The following NKTR variants were observed in gnomAD, a reference collection of about 807,000 sequenced individuals.
The protein encoded by NKTR is NK-tumor recognition protein.
NKTR carries 67 observed loss-of-function variants against 156.3 expected under a neutral mutation model. That is an observed-to-expected ratio of 0.43 (90% CI 0.35 to 0.53). The LOEUF (loss-of-function observed/expected upper bound fraction) is 0.53, where lower values mean the gene tolerates loss of function less well. Ranked by LOEUF, NKTR falls within the 20% of genes least tolerant of loss-of-function variation. NKTR has a pLI of 0.01. For synonymous variants in NKTR, 640 were observed against 596.6 expected, an observed-to-expected ratio of 1.07 and a Z score of -1.06; for missense variants, 1,604 against 1,730.9, an observed-to-expected ratio of 0.93 and a Z score of 1.30.
chr3:42,609,080 A>G (rs1328502722), intron 2 of NKTR, among the ~76,000 whole-genome samples: 1 of 152,096 alleles, frequency 6.6e-6, no homozygotes, highest in East Asian at 1.9e-4. Context: ...GTGAGCAGAG[A>G]TCATACCACT....
chr3:42,641,627 C>A (rs61149998), intron 13 of NKTR, among the ~76,000 whole-genome samples: 25,746 of 152,162 alleles, frequency 0.17, 2,606 homozygotes, highest in African/African-American at 0.28. Context: ...CACCTGTAAT[C>A]CCAGTACTTT....
Position 42,639,268 on chromosome 3 carries a change from G to A in NKTR, c.3564G>A (p.Leu1188=). The part of the protein sequence containing the change: ...QESSMSESKV[L]GEVGKQDSSS... ...GCAGCATGTCCGAAAGTAAAGTGTT[G>A]GGTGAAGTGGGGAAACAGGACAGCA... Residue 1188 remains leucine, a synonymous_variant, in exon 13 of 17, where the codon TTG becomes TTA. Coordinates refer to ENST00000232978, the MANE Select transcript of NKTR (RefSeq NM_005385.4). 6.2e-7 allele frequency: 1 copy of A among 1,614,180 alleles called. No homozygotes were observed. Among genetic ancestry groups the A allele is most frequent in the Non-Finnish European group, 8.5e-7 (1 of 1,180,028 alleles).
intron 6 of NKTR, chr3:42,629,812 A>G: frequency 2.0e-6 from 2 of 985,484 alleles, no homozygotes; most frequent in Non-Finnish European, 2.4e-6. Context: ...AGGCTTCCCA[A>G]GAGTGACTGT....
intron 2 of NKTR, 27 bp downstream of exon 2, chr3:42,601,091 TG>T: frequency 6.5e-7 from 1 of 1,538,820 alleles, no homozygotes; most frequent in Non-Finnish European, 8.7e-7. Flanking sequence ...GGAGCGCTGC[TG>T]GGGCCGAGGC....
Position 42,631,175 on chromosome 3 carries a change from C to T in NKTR, c.409C>T (p.His137Tyr). 3.7e-6 allele frequency: 6 copies of T among 1,613,558 alleles called. No individual in the cohort carries two copies. The South Asian group carries it at 6.6e-5, about 18-fold the overall frequency. ...TKPAPHLDGV[H>Y]VVFGLVISGF... ...CTTGAATTTGTATTATGACAGGGTG[C>T]ATGTAGTCTTTGGACTGGTTATTTC... The change falls in exon 8 of 17, where the codon CAT becomes TAT. Residue 137 changes from histidine to tyrosine, a missense_variant. His to Tyr is a moderately conservative substitution (Grantham distance 83, BLOSUM62 2). Transcript: ENST00000232978.
chr3:42,620,351 C>CTTTTG, intron 5 of NKTR: 1 of 1,104,974 alleles, frequency 9.0e-7, no homozygotes, highest in Non-Finnish European at 1.1e-6. Flanking sequence ...TATATTAGAA[C>CTTTTG]TATGACTGTG....
intron 12 of NKTR, among the ~76,000 whole-genome samples, chr3:42,636,653 TAAAA>T (rs370983074): frequency 1.3e-5 from 2 of 150,418 alleles, no homozygotes; most frequent in South Asian, 4.2e-4. Flanking sequence ...TTGCTTAGCT[TAAAA>T]AAAAAATCCT....
At chr3:42,620,170 C>G in intron 5 of NKTR, 1 of 1,347,192 alleles carries the variant, frequency 7.4e-7, no homozygotes, top group Non-Finnish European at 9.5e-7. Flanking sequence ...TTGGAAAATT[C>G]TGTGTATTAT....
At chr3:42,623,968 A>T (rs1708143415) in intron 6 of NKTR, among the ~76,000 whole-genome samples, 1 of 152,058 alleles carries the variant, frequency 6.6e-6, no homozygotes, top group Non-Finnish European at 1.5e-5. Context: ...ATTCCTAAGG[A>T]GTAGATTTGG....
intron 5 of NKTR, chr3:42,620,207 C>A (rs1707783409): frequency 7.8e-7 from 1 of 1,279,336 alleles, no homozygotes; most frequent in African/African-American, 1.5e-5. Context: ...TATCTTTTTT[C>A]ATTTCCCAAT....
intron 6 of NKTR, chr3:42,627,954 T>G (rs1038758730): frequency 2.0e-4 from 196 of 985,384 alleles, no homozygotes; most frequent in Non-Finnish European, 2.4e-4. Flanking sequence ...TTTAGTAGAA[T>G]TGAATAGTCT....
At chr3:42,624,544 A>G (rs1011736688) in intron 6 of NKTR, among the ~76,000 whole-genome samples, 25 of 152,104 alleles carry the variant, frequency 1.6e-4, no homozygotes, top group Middle Eastern at 3.2e-3. Context: ...CAACCTTTTC[A>G]TTCTGTAGAT....
intron 3 of NKTR, among the ~76,000 whole-genome samples, chr3:42,618,116 C>T (rs1355258731): frequency 6.6e-6 from 1 of 151,680 alleles, no homozygotes; most frequent in African/African-American, 2.4e-5. Flanking sequence ...TTTGGGAGGC[C>T]GAGGCAGGTG....
intron 10 of NKTR, among the ~76,000 whole-genome samples, chr3:42,634,183 ATAAG>A (rs1299839095): frequency 6.6e-6 from 1 of 152,238 alleles, no homozygotes; most frequent in Non-Finnish European, 1.5e-5. Context: ...AGTATCATAA[ATAAG>A]TTACTTTTGT....
chr3:42,612,781 CTTCT>C (rs1706968194), intron 2 of NKTR, among the ~76,000 whole-genome samples: 2 of 152,158 alleles, frequency 1.3e-5, no homozygotes, highest in East Asian at 3.9e-4. Flanking sequence ...TGAAGCTGGT[CTTCT>C]TTCTTTTTTC....
chr3:42,608,117 G>A (rs2125763680), intron 2 of NKTR, among the ~76,000 whole-genome samples: 1 of 151,024 alleles, frequency 6.6e-6, no homozygotes, highest in South Asian at 2.1e-4. Context: ...AGCCTCCCAA[G>A]TAGCTGCGAT....
At chr3:42,641,037 T>C (rs1263636596) in intron 13 of NKTR, among the ~76,000 whole-genome samples, 1 of 152,198 alleles carries the variant, frequency 6.6e-6, no homozygotes, top group East Asian at 1.9e-4. Flanking sequence ...CAGTTTGTAA[T>C]GAAGACAGCA....
Position 42,637,913 on chromosome 3 carries a change from C to G in NKTR, c.2209C>G (p.Gln737Glu). The G allele has an allele frequency of 6.2e-7, 1 of 1,614,034 alleles. No individual in the cohort carries two copies. Among genetic ancestry groups the G allele is most frequent in the Non-Finnish European group, 8.5e-7 (1 of 1,179,972 alleles). ...ACGAAATAAATACAGTGATCATTCA[C>G]AGTGTAGTAGATCATCTTCATATAC... ...HSRNKYSDHS[Q>E]CSRSSSYTSI... Residue 737 changes from glutamine to glutamate, a missense_variant, in exon 13 of 17, where the codon CAG becomes GAG. This residue lies in a region of NKTR where 1,255 missense variants were observed against 1,243.7 expected (regional missense o/e 1.01). Transcript: ENST00000232978.
chr3:42,620,064 AAC>A, intron 5 of NKTR: 1 of 1,534,264 alleles, frequency 6.5e-7, no homozygotes, highest in Admixed American at 2.0e-5. Flanking sequence ...GAAGCTCAGT[AAC>A]ACAAACTCCA....
Sources: allele counts gnomAD v4.1 joint callset (sites outside exome capture counted in the v4.1 genomes callset), GRCh38; gene constraint gnomAD v4.1.1; regional missense constraint gnomAD v4.1.1; transcripts MANE v1.5; gene names NCBI Gene and HGNC (gene_info 2026-07-23, HGNC 2026-07-21).